Variants in FGF13 observed in about 807,000 individuals in gnomAD.
The protein encoded by FGF13 is fibroblast growth factor homologous factor 2.
FGF13 carries 2 observed loss-of-function variants against 19.5 expected under a neutral mutation model. The observed-to-expected ratio is 0.10, with a 90% CI of 0.04 to 0.32. The LOEUF (loss-of-function observed/expected upper bound fraction) is 0.32. Ranked by LOEUF, FGF13 falls within the 10% of genes least tolerant of loss-of-function variation. The probability of loss-of-function intolerance (pLI) is 1.00; values close to 1 mark genes in which losing one functional copy is unlikely to be tolerated. For synonymous variants in FGF13, 72 were observed against 76.9 expected (o/e 0.94, Z 0.33); for missense variants, 113 against 192.7 (o/e 0.59, Z 2.45).
chrX:139,064,459 C>T (rs1294822334), intron 1 of FGF13, among the ~76,000 whole-genome samples: 2 of 99,336 alleles, frequency 2.0e-5, no homozygotes, highest in Non-Finnish European at 4.0e-5. Context: ...CCCGCCACCG[C>T]GCCCGGCTAA....
intron 3 of FGF13, among the ~76,000 whole-genome samples, chrX:138,808,039 G>A (rs1406491080): frequency 9.0e-6 from 1 of 111,381 alleles, no homozygotes; most frequent in Non-Finnish European, 1.9e-5. Flanking sequence ...CAACGAGACA[G>A]AAAGTTAACA....
chrX:138,931,509 C>T (rs1270066511), intron 1 of FGF13, among the ~76,000 whole-genome samples: 1 of 111,925 alleles, frequency 8.9e-6, no homozygotes, highest in Non-Finnish European at 1.9e-5. Context: ...ACTAACACCT[C>T]CAAGCTGAAA....
rs369493321 is a variant in FGF13, at chrX:138,665,191, G to T, written c.403-29536C>A. Reference sequence around the variant, plus strand: ...TTCCTCCACTCAAAACTAATTTGAAGGAACAAAGTGAGGCTGTCTGCTTCT... The same window carrying T: ...TTCCTCCACTCAAAACTAATTTGAATGAACAAAGTGAGGCTGTCTGCTTCT... On this transcript the variant is annotated intron_variant, in intron 3 of 4. Transcript: ENST00000315930. Among the ~76,000 whole-genome samples the T allele has an allele frequency of 2.6e-4, 29 of 111,182 alleles. 1 individual carries two copies. The highest frequency in any genetic ancestry group is 2.4e-3 in the Admixed American group (25 of 10,362).
intron 3 of FGF13, among the ~76,000 whole-genome samples, chrX:138,779,138 G>A (rs1230163775): frequency 1.8e-5 from 2 of 110,630 alleles, no homozygotes; most frequent in Non-Finnish European, 3.8e-5. Context: ...CAAACAGAAA[G>A]GACATCCACA....
At chrX:138,927,949 T>A (rs1427911044) in intron 1 of FGF13, among the ~76,000 whole-genome samples, 1 of 112,190 alleles carries the variant, frequency 8.9e-6, no homozygotes, top group African/African-American at 3.2e-5. Context: ...CATATAAAGC[T>A]ATTTATCGGA....
chrX:138,722,128 G>A (rs1245714186), intron 1 of FGF13, among the ~76,000 whole-genome samples: 1 of 111,576 alleles, frequency 9.0e-6, no homozygotes, highest in African/African-American at 3.3e-5. Context: ...GAACGACCAA[G>A]AGTCAGATGG....
chrX:139,101,785 A>G (rs902079189), intron 1 of FGF13, among the ~76,000 whole-genome samples: 4 of 111,957 alleles, frequency 3.6e-5, no homozygotes, highest in Non-Finnish European at 7.5e-5. Flanking sequence ...AACCATTTCA[A>G]TATTATGCAA....
intron 3 of FGF13, among the ~76,000 whole-genome samples, chrX:138,807,658 A>G (rs1330916178): frequency 8.9e-6 from 1 of 112,103 alleles, no homozygotes; most frequent in Non-Finnish European, 1.9e-5. Context: ...AAAACTGGAT[A>G]AAGAGTCAAG....
At chrX:138,732,428 A>G (rs1270963617) in intron 1 of FGF13, among the ~76,000 whole-genome samples, 1 of 112,133 alleles carries the variant, frequency 8.9e-6, no homozygotes, top group African/African-American at 3.2e-5. Flanking sequence ...TTACTGATAT[A>G]CACAGAAAAA....
At chrX:138,884,638 T>C (rs1177567952) in intron 1 of FGF13, among the ~76,000 whole-genome samples, 1 of 112,071 alleles carries the variant, frequency 8.9e-6, no homozygotes, top group African/African-American at 3.2e-5. Flanking sequence ...GGTTGGCTAT[T>C]ATTGAGAAAT....
chrX:138,961,083 A>G (rs2091867370), intron 1 of FGF13, among the ~76,000 whole-genome samples: 2 of 110,891 alleles, frequency 1.8e-5, no homozygotes, highest in Non-Finnish European at 3.8e-5. Flanking sequence ...TTTGGATGAG[A>G]AGAGGTGCTC....
At chrX:138,896,720 G>C (rs184511945) in intron 1 of FGF13, among the ~76,000 whole-genome samples, 79 of 111,759 alleles carry the variant, frequency 7.1e-4, no homozygotes, top group Admixed American at 1.9e-3. Flanking sequence ...CAGTGTCCTT[G>C]TTTGTTAAAT....
chrX:138,765,253 T>C (rs1270966862), intron 3 of FGF13, among the ~76,000 whole-genome samples: 1 of 112,242 alleles, frequency 8.9e-6, no homozygotes, highest in Non-Finnish European at 1.9e-5. Context: ...GCTGTGATTA[T>C]TATTACATGT....
intron 3 of FGF13, among the ~76,000 whole-genome samples, chrX:138,683,882 T>A (rs963237949): frequency 1.8e-5 from 2 of 111,468 alleles, no homozygotes; most frequent in African/African-American, 6.5e-5. Flanking sequence ...TATGCCCCAG[T>A]GGAATTCTGT....
At chrX:138,681,213 T>C (rs1428974087) in intron 3 of FGF13, among the ~76,000 whole-genome samples, 1 of 111,457 alleles carries the variant, frequency 9.0e-6, no homozygotes, top group Non-Finnish European at 1.9e-5. Context: ...TCTGTTGTTT[T>C]GTGTAGCCAC....
intron 1 of FGF13, among the ~76,000 whole-genome samples, chrX:138,865,908 C>T (rs2091320547): frequency 9.0e-6 from 1 of 111,710 alleles, no homozygotes; most frequent in Non-Finnish European, 1.9e-5. Flanking sequence ...CTCATCCCTC[C>T]TTACCAGCTC....
chrX:139,203,266 A>G (rs1242393740), intron 1 of FGF13: 1 of 111,004 alleles, frequency 9.0e-6, no homozygotes, highest in Non-Finnish European at 1.9e-5. Flanking sequence ...ACCCCAGCAA[A>G]CAGAGGAAGA....
chrX:139,193,009 T>C (rs2084344051), intron 1 of FGF13, among the ~76,000 whole-genome samples: 1 of 111,831 alleles, frequency 8.9e-6, no homozygotes, highest in Admixed American at 9.4e-5. Flanking sequence ...ACATAGAAGG[T>C]TCAATACATA....
rs1415761304 is a variant in FGF13 at position 139,159,501 on chromosome X, GC to G, written c.-113+43914del. Reference sequence around the variant, plus strand: ...CAGTATTAACCTTAAATGTAAATAGGCTAAATGCCCAAATTACAAGACACAG... The same window carrying G: ...CAGTATTAACCTTAAATGTAAATAGGTAAATGCCCAAATTACAAGACACAG... On this transcript the variant is annotated intron_variant, in intron 1 of 2. Transcript: ENST00000421460. 4.9e-4 allele frequency among the ~76,000 whole-genome samples: 54 copies of G among 110,853 alleles called. 1 individual carries two copies. The highest frequency in any genetic ancestry group is 1.8e-3 in the African/African-American group (54 of 30,362).
Sources: allele counts gnomAD v4.1 joint callset (sites outside exome capture counted in the v4.1 genomes callset), GRCh38; gene constraint gnomAD v4.1.1; transcripts MANE v1.5; gene names NCBI Gene and HGNC (gene_info 2026-07-23, HGNC 2026-07-21).